The following C19orf12 variants were observed in gnomAD, a reference collection of about 807,000 sequenced individuals.
C19orf12 encodes the protein chromosome 19 open reading frame 12.
C19orf12 carries 2 observed loss-of-function variants against 3.8 expected under a neutral mutation model. The observed-to-expected ratio is 0.53, with a 90% confidence interval of 0.22 to 1.66. The LOEUF is 1.66. C19orf12 is among the 40% of genes most tolerant of loss of function. The pLI, the probability that C19orf12 is intolerant of heterozygous loss-of-function variation, is 0.20. For missense variants in C19orf12, 156 were observed against 188.8 expected (o/e 0.83, Z 1.02); for synonymous variants, 89 against 84.6 (o/e 1.05, Z -0.28).
chr19:29,704,334 T>G (rs1972266536), intron 2 of C19orf12, among the ~76,000 whole-genome samples: 1 of 151,306 alleles, frequency 6.6e-6, no homozygotes, highest in Non-Finnish European at 1.5e-5. Flanking sequence ...CCAGGCATAG[T>G]GGTGGGTGCC....
upstream of C19orf12, chr19:29,715,547 T>C (rs943761723): frequency 2.6e-5 from 6 of 229,942 alleles, no homozygotes; most frequent in Non-Finnish European, 4.7e-5. Context: ...CATGATCACA[T>C]CCGGGCCCCG....
At position 29,700,630 on chromosome 19, in the gene C19orf12, C is replaced by T. The variant is rs1435180082; in HGVS notation, c.*2082G>A. ...CCCTGTCCCCCATCAACTTAAGTGGCATATAAATGATTAAAGTGGCTTCAT... is the reference window on the plus strand; with the variant it reads ...CCCTGTCCCCCATCAACTTAAGTGGTATATAAATGATTAAAGTGGCTTCAT... On this transcript the variant is annotated 3_prime_UTR_variant, in exon 3 of 3. Coordinates refer to ENST00000323670, the MANE Select transcript of C19orf12 (RefSeq NM_031448.6). The T allele has an allele frequency of 2.2e-6, 1 of 454,106 alleles. No individual in the cohort carries two copies. Among genetic ancestry groups the T allele is most frequent in the Non-Finnish European group, 4.4e-6 (1 of 226,784 alleles). The allele number at this position is 454,106 out of a possible 1,614,324, so 28.1% of individuals were successfully genotyped here.
chr19:29,702,637 C>T lies in C19orf12; in HGVS notation c.*75G>A, dbSNP rs1972155754. On this transcript the variant is annotated 3_prime_UTR_variant, in exon 3 of 3. Transcript: ENST00000323670. The stretch of plus-strand genomic sequence containing the variant: ...TCCCCAGGGGGCATCCGCTGGGCTT[C>T]TCCCAACTCCCAAGCCACCTCTTCA... 1 of 1,597,454 alleles carries T rather than the reference C, an allele frequency of 6.3e-7. No individual in the cohort carries two copies. Among genetic ancestry groups the T allele is most frequent in the South Asian group, 1.1e-5 (1 of 90,378 alleles).
At position 29,701,592 on chromosome 19, in the gene C19orf12, T is replaced by A. The variant is rs967269789; in HGVS notation, c.*1120A>T. On this transcript the variant is annotated 3_prime_UTR_variant, in exon 3 of 3. Transcript: ENST00000323670. Reference sequence around the variant, plus strand: ...CGGAGAGCTGACTGTACTGGGGAAATCTTTAGGGTAGAAACATTTCTTAGA... The same window carrying A: ...CGGAGAGCTGACTGTACTGGGGAAAACTTTAGGGTAGAAACATTTCTTAGA... The A allele has an allele frequency of 3.3e-5, 15 of 453,928 alleles. No homozygotes were observed. The highest frequency in any genetic ancestry group is 6.6e-5 in the Non-Finnish European group (15 of 226,788). The allele number at this position is 453,928 out of a possible 1,614,324, so 28.1% of individuals were successfully genotyped here.
Position 29,708,364 on chromosome 19 carries a change from C to T in C19orf12, c.50G>A (p.Gly17Glu). ...GACAGCCGCCTTCATCTTCCTCTCC[C>T]CAGAAAGGGAGCACAGCAGCTTCAT... ...DIMKLLCSLS[G>E]ERKMKAAVKH... Residue 17 changes from glycine to glutamate, a missense_variant, in exon 2 of 3, where the codon GGG (glycine) becomes GAG (glutamate). Transcript: ENST00000323670. The T allele has an allele frequency of 6.2e-7, 1 of 1,614,164 alleles. No homozygotes were observed. The highest frequency in any genetic ancestry group is 8.5e-7 in the Non-Finnish European group (1 of 1,180,040).
chr19:29,701,525 C>T lies in C19orf12; in HGVS notation c.*1187G>A, dbSNP rs1421037722. ...TGCAATTTCTTTTTTCAAATATTTCCTATCCAAGGCTGGTTGGATCTAAAT... is the reference window on the plus strand; with the variant it reads ...TGCAATTTCTTTTTTCAAATATTTCTTATCCAAGGCTGGTTGGATCTAAAT... On this transcript the variant is annotated 3_prime_UTR_variant, in exon 3 of 3. Coordinates refer to ENST00000323670, the MANE Select transcript of C19orf12 (RefSeq NM_031448.6). 4.4e-6 allele frequency: 2 copies of T among 453,954 alleles called. No individual in the cohort carries two copies. The highest frequency in any genetic ancestry group is 2.0e-5 in the African/African-American group (1 of 49,978). 28.1% of individuals were successfully genotyped at this position (453,954 alleles called of 1,614,324 possible). A position where few individuals can be genotyped will look rare whatever the true frequency, so the allele number is the denominator to read the frequency against.
rs1049218518 is a variant in C19orf12, at chr19:29,699,356, G to A, written c.*3356C>T. On this transcript the variant is annotated 3_prime_UTR_variant, in exon 3 of 3. Transcript: ENST00000323670. ...AAATTAGCCGGGCATGGTGGCGGGC[G>A]ACTGTAGTCAAAGCTACTCGGGAGG... is the stretch of plus-strand genomic sequence containing the variant. The A allele has an allele frequency of 1.4e-5, 5 of 367,160 alleles. No individual in the cohort carries two copies. The highest frequency in any genetic ancestry group is 8.6e-5 in the African/African-American group (4 of 46,532). The allele number at this position is 367,160 out of a possible 1,614,324, so 22.7% of individuals were successfully genotyped here.
chr19:29,715,114 C>T lies in C19orf12; in HGVS notation c.-11+11G>A. ...GGAGGCGCCCCGCCCCGGCTCCGGG[C>T]GCTCCTTTACCTGGGGGAGCGGAGG... On this transcript the variant is annotated intron_variant, in intron 1 of 2. Transcript: ENST00000323670. 2 of 607,510 alleles carry T rather than the reference C, an allele frequency of 3.3e-6. No individual in the cohort carries two copies. The highest frequency in any genetic ancestry group is 5.8e-6 in the Non-Finnish European group (2 of 345,022). 37.6% of individuals were successfully genotyped at this position (607,510 alleles called of 1,614,324 possible).
At position 29,700,142 on chromosome 19, in the gene C19orf12, A is replaced by T; in HGVS notation, c.*2570T>A. 1 of 454,040 alleles carries T rather than the reference A, an allele frequency of 2.2e-6. No individual in the cohort carries two copies. Among genetic ancestry groups the T allele is most frequent in the Non-Finnish European group, 4.4e-6 (1 of 226,774 alleles). 28.1% of individuals were successfully genotyped at this position (454,040 alleles called of 1,614,324 possible). On this transcript the variant is annotated 3_prime_UTR_variant, in exon 3 of 3. Transcript: ENST00000323670. ...CAGGCTGTGGGAGGGGCTGCAGTGG[A>T]CACTGGGCCTCTGAGCTGGGACCAC...
rs956492343 is a variant in C19orf12 at position 29,699,461 on chromosome 19, C to T, written c.*3251G>A. On this transcript the variant is annotated 3_prime_UTR_variant, in exon 3 of 3. Coordinates refer to ENST00000323670, the MANE Select transcript of C19orf12 (RefSeq NM_031448.6). ...TCGCGCTACTGCACTCCAGCCCGGG[C>T]GACAGTGCGAGACTCCATCTCAAAA... 7.1e-5 allele frequency: 29 copies of T among 408,814 alleles called. No individual in the cohort carries two copies. The highest frequency in any genetic ancestry group is 9.0e-5 in the South Asian group (5 of 55,310). The allele number at this position is 408,814 out of a possible 1,614,324, so 25.3% of individuals were successfully genotyped here.
rs1355849662 is a variant in C19orf12 at position 29,700,033 on chromosome 19, G to T, written c.*2679C>A. On this transcript the variant is annotated 3_prime_UTR_variant, in exon 3 of 3. Transcript: ENST00000323670. ...CAGCTAGTTCCAGTGTCTTCACTCA[G>T]CAAGGCCTGCTCCATCGGACACAAA... 4.4e-6 allele frequency: 2 copies of T among 453,920 alleles called. No individual in the cohort carries two copies. The highest frequency in any genetic ancestry group is 4.7e-5 in the Admixed American group (2 of 42,548). 28.1% of individuals were successfully genotyped at this position (453,920 alleles called of 1,614,324 possible). A position where few individuals can be genotyped will look rare whatever the true frequency, so the allele number is the denominator to read the frequency against.
intron 1 of C19orf12, among the ~76,000 whole-genome samples, chr19:29,710,464 A>G (rs1972610465): frequency 6.6e-6 from 1 of 152,168 alleles, no homozygotes; most frequent in Admixed American, 6.6e-5. Context: ...GGAGGGTAAG[A>G]TTCTGCATTT....
rs184920164 is a variant in C19orf12, at chr19:29,712,830, C to T, written c.-11+2295G>A. Among the ~76,000 whole-genome samples, 70 of 152,286 alleles carry T rather than the reference C, an allele frequency of 4.6e-4. 1 individual carries two copies. The highest frequency in any genetic ancestry group is 5.9e-5 in the Non-Finnish European group (4 of 68,022). ...TCCTTGGCCATGAGACCCAGAACTT[C>T]AGTGATATCTCAGACAATGAGGCAG... On this transcript the variant is annotated intron_variant, in intron 1 of 2. Transcript: ENST00000323670.
chr19:29,711,325 C>A (rs1455103095), intron 1 of C19orf12, among the ~76,000 whole-genome samples: 2 of 152,190 alleles, frequency 1.3e-5, no homozygotes, highest in Non-Finnish European at 2.9e-5. Flanking sequence ...TGGGCGTGAG[C>A]CACTACGTCC....
At chr19:29,705,525 T>C (rs2903248) in intron 2 of C19orf12, 2 of 259,024 alleles carry the variant, frequency 7.7e-6, no homozygotes, top group African/African-American at 4.6e-5. Context: ...TTTTTTTTTT[T>C]CCTTAGACAG....
intron 2 of C19orf12, among the ~76,000 whole-genome samples, chr19:29,704,443 G>A (rs576385411): frequency 6.6e-6 from 1 of 152,320 alleles, no homozygotes; most frequent in African/African-American, 2.4e-5. Flanking sequence ...CAGCCTGGGC[G>A]ACAGAGTGAG....
At chr19:29,708,691 T>C in intron 1 of C19orf12, 1 of 504,778 alleles carries the variant, frequency 2.0e-6, no homozygotes. Flanking sequence ...TACGACAGAT[T>C]AAGGAGCAAC....
At chr19:29,705,393 T>G in intron 2 of C19orf12, 1 of 217,866 alleles carries the variant, frequency 4.6e-6, no homozygotes, top group Non-Finnish European at 8.5e-6. Context: ...TTAGACTGGA[T>G]CCTGAAACCA....
chr19:29,704,221 G>A (rs1053304802), intron 2 of C19orf12, among the ~76,000 whole-genome samples: 4 of 152,176 alleles, frequency 2.6e-5, no homozygotes, highest in South Asian at 2.1e-4. Flanking sequence ...TGTAATCCCA[G>A]CACTTTGAGA....
Sources: gnomAD v4.1 joint callset for allele counts (sites outside exome capture counted in the v4.1 genomes callset) on GRCh38, gnomAD v4.1.1 for gene constraint, MANE v1.5 for transcripts, NCBI Gene and HGNC (gene_info 2026-07-23, HGNC 2026-07-21) for gene names.